PPP2R2C: variants seen among roughly 807,000 people sequenced by gnomAD.
PPP2R2C encodes the protein protein phosphatase 2 regulatory subunit Bgamma.
In PPP2R2C, 10 loss-of-function variants were observed where a neutral mutation model predicts 45.3. The ratio of observed to expected loss-of-function variants is 0.22; its 90% CI spans 0.14 to 0.37. The LOEUF (loss-of-function observed/expected upper bound fraction) is 0.37. Among genes scored for constraint, PPP2R2C ranks in the 10% least tolerant of loss-of-function variants. PPP2R2C has a pLI of 1.00. For missense variants in PPP2R2C, 308 were observed against 619.7 expected (o/e 0.50, Z 5.34); for synonymous variants, 257 against 245.4 (o/e 1.05, Z -0.44).
intron 1 of PPP2R2C, among the ~76,000 whole-genome samples, chr4:6,396,755 A>G (rs1209208237): frequency 6.6e-6 from 1 of 152,242 alleles, no homozygotes; most frequent in Non-Finnish European, 1.5e-5. Context: ...TGCAGTTAAC[A>G]ATCAGGTCTT....
At chr4:6,350,045 C>T (rs1712398285) in intron 5 of PPP2R2C, 1 of 985,382 alleles carries the variant, frequency 1.0e-6, no homozygotes, top group African/African-American at 1.7e-5. Flanking sequence ...CGTCATTAAC[C>T]ACAAACTGAG....
chr4:6,413,759 C>T (rs538702427), intron 1 of PPP2R2C: 10 of 1,048,578 alleles, frequency 9.5e-6, no homozygotes, highest in Non-Finnish European at 1.4e-5. Flanking sequence ...GTGGTGGCAG[C>T]TGGGGTCACT....
At chr4:6,394,410 A>G (rs1716877907) in intron 1 of PPP2R2C, among the ~76,000 whole-genome samples, 2 of 152,264 alleles carry the variant, frequency 1.3e-5, no homozygotes, top group Admixed American at 1.3e-4. Flanking sequence ...ATGTACCCAA[A>G]GCAAATCACA....
At chr4:6,343,628 G>A (rs914005142) in intron 6 of PPP2R2C, among the ~76,000 whole-genome samples, 3 of 152,130 alleles carry the variant, frequency 2.0e-5, no homozygotes, top group African/African-American at 4.8e-5. Flanking sequence ...GCTGAGGTGA[G>A]AGAATCCCTT....
chr4:6,381,230 C>CT, intron 1 of PPP2R2C, 136 bp from the exon 2 acceptor site: 1 of 1,539,032 alleles, frequency 6.5e-7, no homozygotes, highest in Non-Finnish European at 8.7e-7. Context: ...AGCAGGGAGC[C>CT]TGAGGGGTCA....
chr4:6,557,516 G>A (rs4597907), intron 1 of PPP2R2C, among the ~76,000 whole-genome samples: 4 of 152,306 alleles, frequency 2.6e-5, no homozygotes, highest in African/African-American at 7.2e-5. Flanking sequence ...TGGAAGCTGC[G>A]ACCTGAAGGA....
intron 5 of PPP2R2C, among the ~76,000 whole-genome samples, chr4:6,369,533 T>C (rs1380330843): frequency 6.6e-6 from 1 of 152,218 alleles, no homozygotes; most frequent in Admixed American, 6.5e-5. Flanking sequence ...ACACGTGGCA[T>C]GTGGAGGCAG....
chr4:6,456,234 C>T (rs1230857712), intron 1 of PPP2R2C, among the ~76,000 whole-genome samples: 2 of 151,944 alleles, frequency 1.3e-5, no homozygotes, highest in Non-Finnish European at 2.9e-5. Flanking sequence ...GTACAATCTG[C>T]AGGGGGTAGT....
At position 6,378,755 on chromosome 4, in the gene PPP2R2C, C is replaced by T. The variant is rs893770854; in HGVS notation, c.169-183G>A. Among the ~76,000 whole-genome samples, 1 of 152,108 alleles carries T rather than the reference C, an allele frequency of 6.6e-6. No homozygotes were observed. The highest frequency in any genetic ancestry group is 2.4e-5 in the African/African-American group (1 of 41,406). On this transcript the variant is annotated intron_variant, in intron 2 of 8. Coordinates refer to ENST00000382599, the MANE Select transcript of PPP2R2C (RefSeq NM_020416.4). This position sits in a 1 kb window ranked among gnomAD's most constrained non-coding sequence, Gnocchi z 5.2. ...CCCATGACTTGCAGTGTGCCAGGGA[C>T]AAGCCCCGCTCCCGTGCGGTCCCAT...
At position 6,470,538 on chromosome 4, in the gene PPP2R2C, G is replaced by A. The variant is rs527707965; in HGVS notation, c.70+1622C>T. 3.9e-4 allele frequency among the ~76,000 whole-genome samples: 59 copies of A among 152,330 alleles called. 1 individual carries two copies. The East Asian group carries it at 0.011, about 28-fold the overall frequency. ...GATGAGCAAACAGAGGCTTGCTCCA[G>A]GAAGCCAGACCACAGCGAGCCTGGG... On this transcript the variant is annotated intron_variant, in intron 1 of 8. Coordinates refer to ENST00000382599, the MANE Select transcript of PPP2R2C (RefSeq NM_020416.4).
intron 6 of PPP2R2C, among the ~76,000 whole-genome samples, chr4:6,337,112 G>GTATATATATATATATATATA (rs61657951): frequency 2.0e-4 from 6 of 30,118 alleles, no homozygotes; most frequent in South Asian, 2.5e-3. Flanking sequence ...ATGTGTGTGT[G>GTATATATATATATATATATA]TATATATATA....
chr4:6,413,829 C>A, intron 1 of PPP2R2C: 1 of 1,521,334 alleles, frequency 6.6e-7, no homozygotes, highest in Admixed American at 2.0e-5. Flanking sequence ...TGTGCCGGGG[C>A]TCCCACTCAG....
chr4:6,510,982 A>ACAAC lies in PPP2R2C; in HGVS notation c.49+24288_49+24289insGTTG, dbSNP rs1479746401. Among the ~76,000 whole-genome samples, 136 of 79,090 alleles carry ACAAC rather than the reference A, an allele frequency of 1.7e-3. 1 individual carries two copies. The Middle Eastern group carries it at 0.027, about 16-fold the overall frequency. 51.9% of individuals were successfully genotyped at this position (79,090 alleles called of 152,430 possible). A position where few individuals can be genotyped will look rare whatever the true frequency, so the allele number is the denominator to read the frequency against. On this transcript the variant is annotated intron_variant, in intron 2 of 9. Transcript: ENST00000506140. ...ACAGAGTGAGACTCCGTCTCAAACA[A>ACAAC]AAAAAAACAAACAAACAAAAAAAAA...
At chr4:6,498,202 G>A (rs777598726) in intron 2 of PPP2R2C, among the ~76,000 whole-genome samples, 5 of 151,988 alleles carry the variant, frequency 3.3e-5, no homozygotes, top group Non-Finnish European at 5.9e-5. Context: ...AATGAAGGAA[G>A]CCAGGTTCCT....
At chr4:6,534,163 C>CACACACACATCA (rs375894980) in intron 2 of PPP2R2C, among the ~76,000 whole-genome samples, 1 of 150,182 alleles carries the variant, frequency 6.7e-6, no homozygotes, top group African/African-American at 2.4e-5. Context: ...CACACACCAA[C>CACACACACATCA]ACACACACAT....
intron 1 of PPP2R2C, among the ~76,000 whole-genome samples, chr4:6,469,842 A>G (rs1226301628): frequency 1.3e-5 from 2 of 152,202 alleles, no homozygotes; most frequent in Admixed American, 6.5e-5. Flanking sequence ...TCTACCTATT[A>G]TAATGATTAT....
intron 1 of PPP2R2C, among the ~76,000 whole-genome samples, chr4:6,445,879 C>G (rs1011173041): frequency 6.6e-6 from 1 of 152,210 alleles, no homozygotes; most frequent in Non-Finnish European, 1.5e-5. Context: ...CCCACAGTGT[C>G]GCAGAACATA....
chr4:6,472,730 C>G (rs1055387220), upstream of PPP2R2C, among the ~76,000 whole-genome samples: 3 of 151,824 alleles, frequency 2.0e-5, no homozygotes, highest in African/African-American at 7.2e-5. Flanking sequence ...GCTGCACCGC[C>G]GTGCTCGGGC....
At chr4:6,382,989 G>A in intron 1 of PPP2R2C, 7 of 1,079,020 alleles carry the variant, frequency 6.5e-6, no homozygotes, top group Non-Finnish European at 7.9e-6. Flanking sequence ...CGCATCTGGA[G>A]CCAAACCTTC....
Sources: allele counts gnomAD v4.1 joint callset (sites outside exome capture counted in the v4.1 genomes callset), GRCh38; gene constraint gnomAD v4.1.1; non-coding constraint Gnocchi (gnomAD v3.1); transcripts MANE v1.5; gene names NCBI Gene and HGNC (gene_info 2026-07-23, HGNC 2026-07-21).